Variants in DDX46 observed in about 807,000 individuals in gnomAD.
The protein encoded by DDX46 is probable ATP-dependent RNA helicase DDX46.
DDX46 carries 30 observed loss-of-function variants against 134.9 expected under a neutral mutation model. The ratio of observed to expected loss-of-function variants is 0.22; its 90% CI spans 0.17 to 0.30. The LOEUF (loss-of-function observed/expected upper bound fraction) is 0.30. DDX46 is among the 10% of genes least tolerant of loss of function. The pLI, the probability that DDX46 is intolerant of heterozygous loss-of-function variation, is 1.00. For missense variants in DDX46, 622 were observed against 1,248.7 expected (o/e 0.50, Z 7.56); for synonymous variants, 415 against 404.1 (o/e 1.03, Z -0.32).
intron 3 of DDX46, among the ~76,000 whole-genome samples, chr5:134,769,453 C>T (rs1469187741): frequency 6.6e-6 from 1 of 150,560 alleles, no homozygotes; most frequent in Admixed American, 6.6e-5. Flanking sequence ...GCCTCAGCCT[C>T]CTGAATAGCT....
chr5:134,758,783 T>G lies in DDX46; in HGVS notation c.-156T>G. On this transcript the variant is annotated 5_prime_UTR_variant, in exon 1 of 23. Transcript: ENST00000452510. Reference sequence around the variant, plus strand: ...GGCTGCCGGCGCCAGCACGTCCTGTTTTCGTTGGCCGCGCTGGGATGGCCG... The same window carrying G: ...GGCTGCCGGCGCCAGCACGTCCTGTGTTCGTTGGCCGCGCTGGGATGGCCG... 5 of 1,185,006 alleles carry G rather than the reference T, an allele frequency of 4.2e-6. No homozygotes were observed. Among genetic ancestry groups the G allele is most frequent in the East Asian group, 2.5e-5 (1 of 40,048 alleles). 73.4% of individuals were successfully genotyped at this position (1,185,006 alleles called of 1,614,324 possible).
intron 13 of DDX46, among the ~76,000 whole-genome samples, chr5:134,791,658 G>C (rs1754507287): frequency 6.6e-6 from 1 of 152,112 alleles, no homozygotes; most frequent in African/African-American, 2.4e-5. Flanking sequence ...AGGATTATAA[G>C]AGACCATAGT....
chr5:134,785,734 A>G, intron 11 of DDX46, 148 bp downstream of exon 11: 3 of 960,212 alleles, frequency 3.1e-6, no homozygotes, highest in South Asian at 1.9e-5. Flanking sequence ...AATAGTAAGA[A>G]TTAGTTATTT....
rs1755033201 is a variant in DDX46 at position 134,807,815 on chromosome 5, G to A, written c.2022G>A (p.Val674=). The A allele has an allele frequency of 1.9e-6, 3 of 1,614,118 alleles. No individual in the cohort carries two copies. Among genetic ancestry groups the A allele is most frequent in the East Asian group, 2.2e-5 (1 of 44,880 alleles). Residue 674 remains valine, a synonymous_variant, in exon 16 of 23, where the codon GTG becomes GTA. Coordinates refer to ENST00000452510, the MANE Select transcript of DDX46 (RefSeq NM_001300860.2). The part of the protein sequence containing the change: ...DFKNGTCKLL[V]ATSVAARGLD... ...AGAATGGGACCTGCAAACTTCTTGT[G>A]GCTACCTCTGTTGCTGCCCGAGGTC...
intron 11 of DDX46, among the ~76,000 whole-genome samples, chr5:134,786,572 C>T (rs1254424004): frequency 6.6e-6 from 1 of 152,094 alleles, no homozygotes; most frequent in Middle Eastern, 3.2e-3. Flanking sequence ...TGGCCAGGCA[C>T]GGTGGCTCAT....
intron 13 of DDX46, among the ~76,000 whole-genome samples, chr5:134,792,063 G>A (rs932456824): frequency 2.0e-5 from 3 of 152,096 alleles, no homozygotes; most frequent in African/African-American, 7.2e-5. Context: ...TGTAATCCCA[G>A]CTACTTGGGA....
At chr5:134,761,110 A>G (rs1043896134) in intron 1 of DDX46, among the ~76,000 whole-genome samples, 3 of 151,598 alleles carry the variant, frequency 2.0e-5, no homozygotes, top group Non-Finnish European at 2.9e-5. Context: ...ACTGCAACCT[A>G]TGCTTCCCAG....
At chr5:134,769,799 G>T (rs1262350055) in intron 3 of DDX46, among the ~76,000 whole-genome samples, 1 of 151,858 alleles carries the variant, frequency 6.6e-6, no homozygotes, top group Admixed American at 6.6e-5. Context: ...CACCTGCCTC[G>T]GCCTCACAGA....
At position 134,794,096 on chromosome 5, in the gene DDX46, G is replaced by A. The variant is rs886562680; in HGVS notation, c.1627-754G>A. Among the ~76,000 whole-genome samples, 7 of 152,146 alleles carry A rather than the reference G, an allele frequency of 4.6e-5. 1 individual carries two copies. In the East Asian group the frequency reaches 1.3e-3, roughly 29 times the overall value. ...GCGGGGTGTGAATGCAACAATAACA[G>A]GCAGGTGTCTCTTTGTCTTCACCTC... On this transcript the variant is annotated intron_variant, in intron 13 of 22. Transcript: ENST00000452510.
At chr5:134,759,686 A>G (rs1272945525) in intron 1 of DDX46, among the ~76,000 whole-genome samples, 1 of 152,344 alleles carries the variant, frequency 6.6e-6, no homozygotes, top group South Asian at 2.1e-4. Context: ...ATGTCTAGGA[A>G]CAATGAAGGC....
In DDX46 at chr5:134,811,238, T is replaced by C. The variant is rs78859434; in HGVS notation, c.2166T>C (p.Phe722=). 20 of 1,614,044 alleles carry C rather than the reference T, an allele frequency of 1.2e-5. No homozygotes were observed. The African/African-American group carries it at 2.4e-4, about 19-fold the overall frequency. ...RAGNKGYAYT[F]ITEDQARYAG... is the part of the protein sequence containing the mutation. ...TGCATTAGGGTTATGCTTATACTTT[T>C]ATCACAGAGGATCAAGCTCGCTATG... Residue 722 remains phenylalanine (F), a synonymous_variant, in exon 17 of 23, where the codon TTT becomes TTC. Coordinates refer to ENST00000452510, the MANE Select transcript of DDX46 (RefSeq NM_001300860.2).
At chr5:134,823,550 CTA>C (rs1755513531) in intron 21 of DDX46, among the ~76,000 whole-genome samples, 1 of 152,158 alleles carries the variant, frequency 6.6e-6, no homozygotes, top group African/African-American at 2.4e-5. Context: ...ACTAGGCAAA[CTA>C]CACTTTTTTC....
At chr5:134,776,587 T>C (rs1302941612) in intron 5 of DDX46, among the ~76,000 whole-genome samples, 1 of 152,022 alleles carries the variant, frequency 6.6e-6, no homozygotes, top group East Asian at 1.9e-4. Flanking sequence ...ACCCATGCAG[T>C]TCAAACCTAT....
intron 13 of DDX46, among the ~76,000 whole-genome samples, chr5:134,794,458 C>T (rs748258497): frequency 1.3e-5 from 2 of 152,336 alleles, no homozygotes; most frequent in Non-Finnish European, 1.5e-5. Context: ...GTTCTGCCAA[C>T]TTCCCAGAAT....
intron 14 of DDX46, 121 bp from the exon 15 acceptor site, chr5:134,795,867 C>A: frequency 1.1e-6 from 1 of 907,616 alleles, no homozygotes. Context: ...ATCTTCCTAG[C>A]CCTTGGTAAA....
intron 9 of DDX46, 133 bp from the exon 10 acceptor site, chr5:134,784,233 T>TA (rs771203616): frequency 2.5e-5 from 21 of 849,580 alleles, no homozygotes; most frequent in Non-Finnish European, 3.6e-5. Flanking sequence ...CATTCCTTTT[T>TA]ATTGCCAAAT....
intron 1 of DDX46, among the ~76,000 whole-genome samples, chr5:134,759,521 T>G (rs1039127170): frequency 6.6e-6 from 1 of 152,206 alleles, no homozygotes; most frequent in East Asian, 1.9e-4. Flanking sequence ...TTACCTGCTT[T>G]TCTGTCCTTT....
rs1755721667 is a variant in DDX46, at chr5:134,830,919, G to A, written c.*2213G>A. The A allele has an allele frequency of 1.3e-5, 2 of 152,484 alleles. No individual in the cohort carries two copies. The highest frequency in any genetic ancestry group is 4.8e-5 in the African/African-American group (2 of 41,380). The allele number at this position is 152,484 out of a possible 1,614,324, so 9.4% of individuals were successfully genotyped here. A position where few individuals can be genotyped will look rare whatever the true frequency, so the allele number is the denominator to read the frequency against. On this transcript the variant is annotated 3_prime_UTR_variant, in exon 23 of 23. Transcript: ENST00000452510. ...TGAGATTCAGTTTTACATCATTTTA[G>A]CATTTTGTTTGTATATCAGTTGTGA... is the stretch of plus-strand genomic sequence containing the variant.
intron 15 of DDX46, 134 bp downstream of exon 15, chr5:134,796,284 C>A: frequency 1.1e-6 from 1 of 933,774 alleles, no homozygotes; most frequent in Non-Finnish European, 1.6e-6. Context: ...CTCTAAAGTG[C>A]TTTGTGGGAG....
Sources: allele counts gnomAD v4.1 joint callset (sites outside exome capture counted in the v4.1 genomes callset), GRCh38; gene constraint gnomAD v4.1.1; transcripts MANE v1.5; gene names NCBI Gene and HGNC (gene_info 2026-07-23, HGNC 2026-07-21).